Variants in SGCD observed in about 807,000 individuals in gnomAD.
The protein encoded by SGCD is delta-sarcoglycan.
A neutral mutation model predicts 36.6 loss-of-function variants in SGCD; 18 were observed. The observed-to-expected ratio is 0.49, with a 90% CI of 0.34 to 0.73. SGCD has a LOEUF of 0.73. Among genes scored for constraint, SGCD ranks in the 30% least tolerant of loss-of-function variants. SGCD has a pLI of 0.01. For synonymous variants in SGCD, 133 were observed against 130.6 expected, an observed-to-expected ratio of 1.02 and a Z score of -0.12; for missense variants, 387 against 346.7, an observed-to-expected ratio of 1.12 and a Z score of -0.92.
chr5:156,306,326 A>AG (rs1473291648), intron 3 of SGCD, among the ~76,000 whole-genome samples: 3 of 152,166 alleles, frequency 2.0e-5, no homozygotes, highest in Admixed American at 1.3e-4. Context: ...TGGTTCCATA[A>AG]GGGGGGGTTT....
chr5:156,133,027 G>A (rs1012818979), intron 3 of SGCD, among the ~76,000 whole-genome samples: 1 of 152,174 alleles, frequency 6.6e-6, no homozygotes, highest in South Asian at 2.1e-4. Flanking sequence ...TGAGTCAGGA[G>A]TTATACTGAG....
intron 6 of SGCD, among the ~76,000 whole-genome samples, chr5:156,641,298 G>A (rs995576850): frequency 1.3e-5 from 2 of 152,140 alleles, no homozygotes; most frequent in Non-Finnish European, 2.9e-5. Context: ...ATATCAGATT[G>A]TAGCCATGTT....
chr5:155,841,485 G>A, the SGCD span, among the ~76,000 whole-genome samples: 14 of 152,108 alleles, frequency 9.2e-5, no homozygotes, highest in African/African-American at 3.1e-4. Context: ...TATGAGCAAT[G>A]TTCACATCTT....
chr5:156,280,023 T>C (rs1310170729), intron 3 of SGCD, among the ~76,000 whole-genome samples: 1 of 151,966 alleles, frequency 6.6e-6, no homozygotes, highest in East Asian at 1.9e-4. Context: ...ATGTGTGGGT[T>C]TTTTTCTTGT....
At chr5:155,828,638 T>G in the SGCD span, among the ~76,000 whole-genome samples, 1 of 152,024 alleles carries the variant, frequency 6.6e-6, no homozygotes, top group Non-Finnish European at 1.5e-5. Flanking sequence ...TTTCAGAAAA[T>G]TATATTACTG....
At chr5:156,009,486 G>C (rs1758815985) in intron 1 of SGCD, among the ~76,000 whole-genome samples, 1 of 152,132 alleles carries the variant, frequency 6.6e-6, no homozygotes, top group Non-Finnish European at 1.5e-5. Context: ...TGCTATTTCA[G>C]ATTGTTGGGG....
chr5:156,465,711 G>T (rs1328685397), intron 3 of SGCD, among the ~76,000 whole-genome samples: 4 of 152,142 alleles, frequency 2.6e-5, no homozygotes, highest in African/African-American at 7.2e-5. Context: ...ACTTCCAGAG[G>T]CTTACCTTCA....
intron 1 of SGCD, among the ~76,000 whole-genome samples, chr5:155,892,565 T>C (rs1360835935): frequency 1.3e-5 from 2 of 152,142 alleles, no homozygotes; most frequent in African/African-American, 4.8e-5. Context: ...CTCCAGCCAT[T>C]TGTTGCACTT....
chr5:156,602,453 T>G (rs1459737837), intron 6 of SGCD, among the ~76,000 whole-genome samples: 2 of 152,176 alleles, frequency 1.3e-5, no homozygotes, highest in African/African-American at 2.4e-5. Flanking sequence ...TTTGTTTCTT[T>G]CTTTCTCTTA....
chr5:156,198,956 A>G (rs1764082636), intron 3 of SGCD, among the ~76,000 whole-genome samples: 1 of 152,042 alleles, frequency 6.6e-6, no homozygotes, highest in Admixed American at 6.6e-5. Flanking sequence ...TTAGCCTCCC[A>G]AGTAGCTGGG....
chr5:156,575,056 C>T (rs949552098), intron 4 of SGCD, among the ~76,000 whole-genome samples: 4 of 152,284 alleles, frequency 2.6e-5, no homozygotes, highest in African/African-American at 9.6e-5. Context: ...CATGGAAGAG[C>T]CCTGTTTGCA....
intron 3 of SGCD, among the ~76,000 whole-genome samples, chr5:156,291,648 A>G (rs1766759394): frequency 6.6e-6 from 1 of 152,076 alleles, no homozygotes; most frequent in African/African-American, 2.4e-5. Flanking sequence ...TACTCTCTAA[A>G]GGGAAGGGAG....
intron 1 of SGCD, among the ~76,000 whole-genome samples, chr5:156,101,329 C>T (rs1270492860): frequency 1.3e-5 from 2 of 152,208 alleles, no homozygotes; most frequent in Admixed American, 1.3e-4. Flanking sequence ...TTAAGGCACA[C>T]AGATTGAAAC....
At chr5:156,619,727 TC>T (rs1291324994) in intron 6 of SGCD, among the ~76,000 whole-genome samples, 1 of 152,126 alleles carries the variant, frequency 6.6e-6, no homozygotes, top group Non-Finnish European at 1.5e-5. Flanking sequence ...AATAAGAAAA[TC>T]TCAGTGCACA....
chr5:156,448,751 T>C (rs1753860002), intron 3 of SGCD, among the ~76,000 whole-genome samples: 1 of 137,508 alleles, frequency 7.3e-6, no homozygotes, highest in Admixed American at 7.1e-5. Context: ...TTTTTTTTTT[T>C]TTTTTTTTGA....
intron 3 of SGCD, among the ~76,000 whole-genome samples, chr5:156,167,452 C>A (rs1763239919): frequency 1.3e-5 from 2 of 152,032 alleles, no homozygotes; most frequent in South Asian, 2.1e-4. Flanking sequence ...TGCTTTGTTG[C>A]AAGTATGGTA....
At chr5:155,739,078 CT>C in the SGCD span, among the ~76,000 whole-genome samples, 2 of 152,114 alleles carry the variant, frequency 1.3e-5, no homozygotes, top group East Asian at 1.9e-4. Context: ...ATTGTATGAA[CT>C]TTTTTTCACA....
intron 4 of SGCD, among the ~76,000 whole-genome samples, chr5:156,560,371 T>G (rs1404484355): frequency 6.6e-6 from 1 of 152,164 alleles, no homozygotes; most frequent in Non-Finnish European, 1.5e-5. Context: ...TTAAGTAATG[T>G]TACATCAGCT....
chr5:155,934,247 C>T (rs1179245342), intron 1 of SGCD, among the ~76,000 whole-genome samples: 2 of 152,194 alleles, frequency 1.3e-5, no homozygotes, highest in Non-Finnish European at 2.9e-5. Context: ...GAGTATTTGA[C>T]ATCTGCATTT....
Sources: gnomAD v4.1 joint callset for allele counts (sites outside exome capture counted in the v4.1 genomes callset) on GRCh38, gnomAD v4.1.1 for gene constraint, MANE v1.5 for transcripts, NCBI Gene and HGNC (gene_info 2026-07-23, HGNC 2026-07-21) for gene names.